Variants in FAM193A observed in about 807,000 individuals in gnomAD.
FAM193A encodes family with sequence similarity 193 member A, also known as protein FAM193A.
In FAM193A, 22 loss-of-function variants were observed where a neutral mutation model predicts 126.5. The ratio of observed to expected loss-of-function variants is 0.17; its 90% CI spans 0.12 to 0.25. The LOEUF is 0.25. FAM193A is among the 10% of genes least tolerant of loss of function. The pLI, the probability that FAM193A is intolerant of heterozygous loss-of-function variation, is 1.00. For missense variants in FAM193A, 1,675 were observed against 1,672.8 expected (o/e 1.00, Z -0.02); for synonymous variants, 761 against 646.8 (o/e 1.18, Z -2.68).
intron 19 of FAM193A, among the ~76,000 whole-genome samples, chr4:2,714,589 A>G (rs1719345022): frequency 6.6e-6 from 1 of 152,098 alleles, no homozygotes; most frequent in Non-Finnish European, 1.5e-5. Flanking sequence ...CGAGATAGCC[A>G]AGGCTGTCAT....
intron 7 of FAM193A, among the ~76,000 whole-genome samples, chr4:2,655,581 T>C (rs183575708): frequency 1.3e-5 from 2 of 152,064 alleles, no homozygotes; most frequent in East Asian, 3.9e-4. Flanking sequence ...GGGCTCAAGC[T>C]CTCCTCCCAC....
chr4:2,608,473 A>G lies in FAM193A; in HGVS notation c.501+12144A>G, dbSNP rs557125094. 7.2e-5 allele frequency among the ~76,000 whole-genome samples: 11 copies of G among 152,264 alleles called. No individual in the cohort carries two copies. The East Asian group carries it at 1.9e-3, about 27-fold the overall frequency. On this transcript the variant is annotated intron_variant, in intron 2 of 20. Coordinates refer to ENST00000637812, the MANE Select transcript of FAM193A (RefSeq NM_001366318.2). ...GATGATCTGCCTGCCACGGCCTCCC[A>G]AAGTGCTGGGATTACAGGAGTGAGC... is the stretch of plus-strand genomic sequence containing the variant.
rs545037434 is a variant in FAM193A at position 2,665,349 on chromosome 4, T to A, written c.2079+2061T>A. Among the ~76,000 whole-genome samples the A allele has an allele frequency of 3.9e-3, 591 of 152,302 alleles. 3 individuals are homozygous for A. Among genetic ancestry groups the A allele is most frequent in the Admixed American group, 0.011 (174 of 15,294 alleles). ...AACTTGTTTATTCTAGTAGGGTTGG[T>A]TCTAGTAGGTCCTTTTGCTGTTGTT... On this transcript the variant is annotated intron_variant, in intron 12 of 20. Transcript: ENST00000637812.
chr4:2,731,763 T>C lies in FAM193A; in HGVS notation c.4455-12T>C. Reference sequence around the variant, plus strand: ...TTTCCTTCAGTGACTGTTTGGCTTTTTGTCTTTGCAGGTTCTGCTTGGATT... The same window carrying C: ...TTTCCTTCAGTGACTGTTTGGCTTTCTGTCTTTGCAGGTTCTGCTTGGATT... On this transcript the variant is annotated splice_polypyrimidine_tract_variant and intron_variant, in intron 20 of 20. Coordinates refer to ENST00000637812, the MANE Select transcript of FAM193A (RefSeq NM_001366318.2). The C allele has an allele frequency of 6.2e-7, 1 of 1,609,468 alleles. No homozygotes were observed. The highest frequency in any genetic ancestry group is 8.5e-7 in the Non-Finnish European group (1 of 1,176,076).
At chr4:2,542,396 G>T (rs891632301) in intron 1 of FAM193A, among the ~76,000 whole-genome samples, 1 of 152,042 alleles carries the variant, frequency 6.6e-6, no homozygotes, top group African/African-American at 2.4e-5. Context: ...TACCTGCCTG[G>T]GCCTCCAAAA....
intron 1 of FAM193A, among the ~76,000 whole-genome samples, chr4:2,552,027 T>TTA (rs1262843897): frequency 1.3e-5 from 2 of 149,314 alleles, no homozygotes; most frequent in East Asian, 2.0e-4. Flanking sequence ...TTTTTTTTTT[T>TTA]TCGAGACAGA....
intron 20 of FAM193A, among the ~76,000 whole-genome samples, chr4:2,725,475 AAGT>A (rs1720632902): frequency 6.7e-6 from 1 of 149,470 alleles, no homozygotes; most frequent in Non-Finnish European, 1.5e-5. Context: ...AAAAAAAAAA[AAGT>A]AATCACACCA....
intron 20 of FAM193A, among the ~76,000 whole-genome samples, chr4:2,723,238 C>T (rs1356775654): frequency 6.6e-6 from 1 of 151,954 alleles, no homozygotes; most frequent in African/African-American, 2.4e-5. Context: ...CACGCCACTG[C>T]ACTCCAGCCT....
chr4:2,622,592 T>C (rs1742623623), intron 2 of FAM193A, among the ~76,000 whole-genome samples: 1 of 152,104 alleles, frequency 6.6e-6, no homozygotes, highest in South Asian at 2.1e-4. Context: ...CAAAATGCCA[T>C]GGGCTAAGCT....
At position 2,732,093 on chromosome 4, in the gene FAM193A, G is replaced by A. The variant is rs899861023; in HGVS notation, c.*225G>A. On this transcript the variant is annotated 3_prime_UTR_variant, in exon 21 of 21. Transcript: ENST00000637812. ...CCTTCGATTGTAGCTCTGTGCTGTC[G>A]GATTGGAACAGTAGTTCCCGCCAAG... 8 of 565,170 alleles carry A rather than the reference G, an allele frequency of 1.4e-5. No individual in the cohort carries two copies. Among genetic ancestry groups the A allele is most frequent in the African/African-American group, 9.4e-5 (5 of 53,062 alleles). The allele number at this position is 565,170 out of a possible 1,614,324, so 35.0% of individuals were successfully genotyped here.
At chr4:2,693,977 A>C (rs983509939) in intron 16 of FAM193A, 103 bp downstream of exon 16, 1 of 1,255,608 alleles carries the variant, frequency 8.0e-7, no homozygotes, top group Admixed American at 2.1e-5. Flanking sequence ...GCAGTGGAAA[A>C]GTCTAGTGAA....
chr4:2,692,697 G>A (rs1002002212), intron 15 of FAM193A, among the ~76,000 whole-genome samples: 1 of 152,192 alleles, frequency 6.6e-6, no homozygotes, highest in African/African-American at 2.4e-5. Flanking sequence ...AAGAGAAAAG[G>A]GTTGGAAGAG....
At chr4:2,708,004 C>T (rs1718502231) in intron 19 of FAM193A, 1 of 284,282 alleles carries the variant, frequency 3.5e-6, no homozygotes. Flanking sequence ...CCTGCCTTAG[C>T]CTCCCAAAGT....
At position 2,660,065 on chromosome 4, in the gene FAM193A, A is replaced by T. The variant is rs1032226437; in HGVS notation, c.1745+11A>T. The T allele has an allele frequency of 3.7e-6, 6 of 1,612,238 alleles. No homozygotes were observed. The highest frequency in any genetic ancestry group is 2.2e-5 in the East Asian group (1 of 44,864). On this transcript the variant is annotated intron_variant, in intron 10 of 20. Coordinates refer to ENST00000637812, the MANE Select transcript of FAM193A (RefSeq NM_001366318.2). ...CTCGGCACCAACTTTGTAAGTTGTG[A>T]CTTTGTAATAAAGTTTCCGAAATTT...
At chr4:2,599,512 T>A (rs529736920) in intron 2 of FAM193A, among the ~76,000 whole-genome samples, 1 of 152,226 alleles carries the variant, frequency 6.6e-6, no homozygotes. Flanking sequence ...ATAAGCATTC[T>A]GTTATCAGCA....
chr4:2,565,210 C>T (rs1210294048), intron 1 of FAM193A, among the ~76,000 whole-genome samples: 2 of 138,890 alleles, frequency 1.4e-5, no homozygotes, highest in Non-Finnish European at 3.1e-5. Context: ...CATTAGTAAA[C>T]AAGGTTTTGT....
chr4:2,601,563 C>T (rs1741198975), intron 2 of FAM193A, among the ~76,000 whole-genome samples: 1 of 151,534 alleles, frequency 6.6e-6, no homozygotes, highest in African/African-American at 2.4e-5. Context: ...TTTGTGCCTT[C>T]TTTTTTTTCT....
chr4:2,658,358 A>G (rs1018706728), intron 8 of FAM193A, among the ~76,000 whole-genome samples: 1 of 150,372 alleles, frequency 6.7e-6, no homozygotes, highest in East Asian at 2.0e-4. Context: ...GCAGATCTGG[A>G]CTCTCCCTTC....
At position 2,700,365 on chromosome 4, in the gene FAM193A, A is replaced by C; in HGVS notation, c.4193A>C (p.Asn1398Thr). 1.9e-6 allele frequency: 3 copies of C among 1,614,170 alleles called. No individual in the cohort carries two copies. Among genetic ancestry groups the C allele is most frequent in the Non-Finnish European group, 2.5e-6 (3 of 1,180,038 alleles). ...REERKVNSNNNNKKQLNHIKD... is the reference protein window; with the variant it reads ...REERKVNSNNTNKKQLNHIKD... Reference sequence around the variant, plus strand: ...GAGAGAAAAGTCAACAGTAATAACAATAACAAAAAGCAGCTGAACCACATC... The same window carrying C: ...GAGAGAAAAGTCAACAGTAATAACACTAACAAAAAGCAGCTGAACCACATC... Residue 1398 changes from asparagine to threonine, a missense_variant, in exon 19 of 21, where the codon AAT becomes ACT. Asn to Thr is a moderately conservative substitution (Grantham distance 65, BLOSUM62 0). Coordinates refer to ENST00000637812, the MANE Select transcript of FAM193A (RefSeq NM_001366318.2).
Sources: gnomAD v4.1 joint callset for allele counts (sites outside exome capture counted in the v4.1 genomes callset) on GRCh38, gnomAD v4.1.1 for gene constraint, MANE v1.5 for transcripts, NCBI Gene and HGNC (gene_info 2026-07-23, HGNC 2026-07-21) for gene names.